Variants in H2AC25 observed in about 807,000 individuals in gnomAD.
H2AC25 encodes the protein histone H2A type 3.
chr1:228,457,596 G>A, the H2AC25 span: 1 of 1,614,008 alleles, frequency 6.2e-7, no homozygotes, highest in South Asian at 1.1e-5. Context: ...GCGTCTTCTT[G>A]TTGTCGCGCG....
At chr1:228,457,526 G>A in the H2AC25 span, 2 of 1,614,086 alleles carry the variant, frequency 1.2e-6, no homozygotes, top group Non-Finnish European at 1.7e-6. Context: ...ACGCGGCCCA[G>A]CAGCTTGTTG....
At chr1:228,457,838 A>T in the H2AC25 span, 3 of 1,582,232 alleles carry the variant, frequency 1.9e-6, no homozygotes, top group Admixed American at 5.6e-5. Context: ...AGGAAAAAAG[A>T]CAACGGCAAC....
chr1:228,457,869 A>G, the H2AC25 span: 25 of 1,562,004 alleles, frequency 1.6e-5, no homozygotes, highest in African/African-American at 6.8e-5. Flanking sequence ...GACTAAAAAC[A>G]AGAGGGCAGT....
At chr1:228,457,861 C>T in the H2AC25 span, 1 of 1,568,194 alleles carries the variant, frequency 6.4e-7, no homozygotes, top group Non-Finnish European at 8.6e-7. Flanking sequence ...AAAAGCGAGA[C>T]TAAAAACAAG....
At chr1:228,457,417 G>C in the H2AC25 span, 4 of 1,613,586 alleles carry the variant, frequency 2.5e-6, no homozygotes, top group African/African-American at 5.3e-5. Flanking sequence ...CGGGGGCGGC[G>C]GGCGGCCTCA....
At chr1:228,457,821 C>T in the H2AC25 span, 38 of 1,586,262 alleles carry the variant, frequency 2.4e-5, no homozygotes, top group Middle Eastern at 5.1e-4. Flanking sequence ...CGGACATTTC[C>T]GAGTCAAGGA....
At chr1:228,457,838 A>G in the H2AC25 span, 3 of 1,582,114 alleles carry the variant, frequency 1.9e-6, no homozygotes, top group Non-Finnish European at 2.6e-6. Context: ...AGGAAAAAAG[A>G]CAACGGCAAC....
the H2AC25 span, chr1:228,457,762 G>C: frequency 6.2e-7 from 1 of 1,610,962 alleles, no homozygotes; most frequent in Non-Finnish European, 8.5e-7. Context: ...CGCGCGCGAC[G>C]AGCGCGACTT....
the H2AC25 span, chr1:228,457,711 C>A: frequency 6.2e-7 from 1 of 1,613,098 alleles, no homozygotes; most frequent in Non-Finnish European, 8.5e-7. Flanking sequence ...GTTGCCCTTG[C>A]GGAGCAACCG....
At chr1:228,457,630 A>T in the H2AC25 span, 2 of 1,613,746 alleles carry the variant, frequency 1.2e-6, no homozygotes, top group Non-Finnish European at 1.7e-6. Context: ...AAGCTCCAGG[A>T]TCTCGGCAGT....
At chr1:228,457,699 T>G in the H2AC25 span, 1 of 1,613,338 alleles carries the variant, frequency 6.2e-7, no homozygotes. Flanking sequence ...GCGCTCCGAA[T>G]AGTTGCCCTT....
At chr1:228,457,752 C>T in the H2AC25 span, 1 of 1,611,410 alleles carries the variant, frequency 6.2e-7, no homozygotes, top group Non-Finnish European at 8.5e-7. Flanking sequence ...ACTGCAGCCC[C>T]GCGCGCGACG....
At chr1:228,457,840 A>G in the H2AC25 span, 4 of 1,581,352 alleles carry the variant, frequency 2.5e-6, no homozygotes, top group East Asian at 2.2e-5. Context: ...GAAAAAAGAC[A>G]ACGGCAACCG....
chr1:228,457,872 A>G, the H2AC25 span: 1 of 1,553,936 alleles, frequency 6.4e-7, no homozygotes, highest in South Asian at 1.2e-5. Context: ...TAAAAACAAG[A>G]GGGCAGTGAA....
chr1:228,457,539 C>T, the H2AC25 span: 1 of 1,614,154 alleles, frequency 6.2e-7, no homozygotes, highest in Non-Finnish European at 8.5e-7. Flanking sequence ...GCTTGTTGAG[C>T]TCCTCGTCGT....
the H2AC25 span, chr1:228,457,424 C>T: frequency 6.2e-7 from 1 of 1,613,848 alleles, no homozygotes; most frequent in Non-Finnish European, 8.5e-7. Context: ...GGCGGGCGGC[C>T]TCACTTGCCC....
chr1:228,457,759 G>A, the H2AC25 span: 17 of 1,610,944 alleles, frequency 1.1e-5, no homozygotes, highest in Non-Finnish European at 1.4e-5. Flanking sequence ...CCCCGCGCGC[G>A]ACGAGCGCGA....
At chr1:228,457,691 G>A in the H2AC25 span, 2 of 1,613,544 alleles carry the variant, frequency 1.2e-6, no homozygotes, top group Non-Finnish European at 1.7e-6. Context: ...GCGCCCACGC[G>A]CTCCGAATAG....
At chr1:228,457,511 T>C in the H2AC25 span, 5 of 1,614,080 alleles carry the variant, frequency 3.1e-6, no homozygotes, top group South Asian at 2.2e-5. Context: ...CCCTGCGCGA[T>C]GGTCACGCGG....
Sources: allele counts gnomAD v4.1 joint callset, GRCh38; gene constraint gnomAD v4.1.1; transcripts MANE v1.5; gene names NCBI Gene and HGNC (gene_info 2026-07-23, HGNC 2026-07-21).